The following IARS2 variants were observed in gnomAD, a reference collection of about 807,000 sequenced individuals.
IARS2 encodes isoleucine--tRNA ligase, mitochondrial.
Under a neutral mutation model 126.3 loss-of-function variants are expected in IARS2, and 56 were observed. The observed-to-expected ratio is 0.44, with a 90% CI of 0.36 to 0.55. The LOEUF (loss-of-function observed/expected upper bound fraction) is 0.55. Among genes scored for constraint, IARS2 ranks in the 20% least tolerant of loss-of-function variants. The pLI is 0.00. For synonymous variants in IARS2, 407 were observed against 441.1 expected, an observed-to-expected ratio of 0.92 and a Z score of 0.97; for missense variants, 1,127 against 1,245.9, an observed-to-expected ratio of 0.90 and a Z score of 1.44.
chr1:220,124,061 A>G (rs1038717394), intron 12 of IARS2, among the ~76,000 whole-genome samples: 1 of 152,214 alleles, frequency 6.6e-6, no homozygotes, highest in African/African-American at 2.4e-5. Flanking sequence ...GCCTGGGTTC[A>G]AGTGGTGGAG....
At chr1:220,120,980 A>G (rs978839997) in intron 12 of IARS2, among the ~76,000 whole-genome samples, 6 of 152,182 alleles carry the variant, frequency 3.9e-5, no homozygotes, top group Non-Finnish European at 7.3e-5. Flanking sequence ...CTCTCTAAAT[A>G]TTAGTGAGAC....
intron 12 of IARS2, among the ~76,000 whole-genome samples, chr1:220,120,332 T>G (rs1657013212): frequency 1.3e-5 from 2 of 150,784 alleles, no homozygotes; most frequent in African/African-American, 4.8e-5. Context: ...TCCGCCCGCC[T>G]CGGCCTCCCA....
intron 12 of IARS2, among the ~76,000 whole-genome samples, chr1:220,122,111 A>G (rs1440242091): frequency 1.3e-5 from 2 of 152,200 alleles, no homozygotes; most frequent in Non-Finnish European, 2.9e-5. Context: ...ATTAATTAAA[A>G]TAAAATAAAA....
At chr1:220,124,408 G>C (rs1657110267) in intron 12 of IARS2, among the ~76,000 whole-genome samples, 1 of 152,144 alleles carries the variant, frequency 6.6e-6, no homozygotes, top group Admixed American at 6.5e-5. Flanking sequence ...GTTTGTAGTT[G>C]TTCTGAGGGA....
chr1:220,141,690 A>G, intron 19 of IARS2, 113 bp from the exon 20 acceptor site: 2 of 1,023,766 alleles, frequency 2.0e-6, no homozygotes, highest in Non-Finnish European at 2.9e-6. Flanking sequence ...GTAGAAGATG[A>G]TTAGAGCCAT....
chr1:220,118,415 T>G (rs988860752), intron 12 of IARS2, among the ~76,000 whole-genome samples: 3 of 150,844 alleles, frequency 2.0e-5, no homozygotes, highest in African/African-American at 7.3e-5. Flanking sequence ...TCATTTGCAT[T>G]TTAGATCATA....
Position 220,138,089 on chromosome 1 carries a change from A to T in IARS2, c.2175+46A>T, listed in dbSNP as rs567274898. 8 of 1,586,430 alleles carry T rather than the reference A, an allele frequency of 5.0e-6. No individual in the cohort carries two copies. The African/African-American group carries it at 1.1e-4, about 21-fold the overall frequency. On this transcript the variant is annotated intron_variant, in intron 17 of 22. Coordinates refer to ENST00000366922, the MANE Select transcript of IARS2 (RefSeq NM_018060.4). ...TATTTCTAAAGGACAAGTTTGTCAA[A>T]TCATTGTTTTAAAAAATGAGACACA...
chr1:220,132,867 T>C (rs1490251133), intron 14 of IARS2, among the ~76,000 whole-genome samples: 1 of 152,162 alleles, frequency 6.6e-6, no homozygotes, highest in Non-Finnish European at 1.5e-5. Context: ...TATTTGGATC[T>C]TCTTTTCTAT....
intron 12 of IARS2, among the ~76,000 whole-genome samples, chr1:220,120,935 A>G (rs1276167653): frequency 1.3e-5 from 2 of 152,334 alleles, no homozygotes; most frequent in East Asian, 3.9e-4. Flanking sequence ...TGATGTTTTC[A>G]TAATTCACAA....
intron 2 of IARS2, among the ~76,000 whole-genome samples, chr1:220,099,742 T>C (rs2102817280): frequency 6.6e-6 from 1 of 152,250 alleles, no homozygotes; most frequent in East Asian, 1.9e-4. Context: ...TGATGATTGA[T>C]TTAAATAATA....
At chr1:220,112,046 C>T (rs866776793) in intron 11 of IARS2, among the ~76,000 whole-genome samples, 14 of 150,950 alleles carry the variant, frequency 9.3e-5, no homozygotes, top group African/African-American at 2.9e-4. Flanking sequence ...AATGTATTGT[C>T]GTATTCCCAT....
At chr1:220,111,045 A>G (rs1571849578) in intron 11 of IARS2, 108 bp downstream of exon 11, 3 of 997,346 alleles carry the variant, frequency 3.0e-6, no homozygotes, top group South Asian at 3.5e-5. Flanking sequence ...GATTGCTGCT[A>G]TTATGATTTA....
In IARS2 at chr1:220,146,517, CAAAAAAA is replaced by C. The variant is rs1186000971; in HGVS notation, c.2896+880_2896+886del. Among the ~76,000 whole-genome samples the C allele has an allele frequency of 1.3e-4, 8 of 62,056 alleles. No individual in the cohort carries two copies. The East Asian group carries it at 2.3e-3, about 18-fold the overall frequency. The allele number at this position is 62,056 out of a possible 152,430, so 40.7% of individuals were successfully genotyped here. On this transcript the variant is annotated intron_variant, in intron 22 of 22. Transcript: ENST00000366922. ...TGGGCGACAGAGCGAGACTCCGTCT[CAAAAAAA>C]AAAAAAAAAAAAAAAGCAGGTATCT...
intron 10 of IARS2, 94 bp from the exon 11 acceptor site, chr1:220,110,692 C>G: frequency 2.1e-6 from 2 of 957,748 alleles, no homozygotes; most frequent in Non-Finnish European, 3.2e-6. Flanking sequence ...CCACCTGTTG[C>G]TGCAGATTTA....
chr1:220,114,199 A>G, intron 11 of IARS2, 115 bp from the exon 12 acceptor site: 1 of 830,256 alleles, frequency 1.2e-6, no homozygotes, highest in Non-Finnish European at 2.0e-6. Flanking sequence ...AGGGTAAGGG[A>G]GGTATGTGAA....
chr1:220,094,570 C>G, intron 1 of IARS2, 87 bp downstream of exon 1: 1 of 1,157,684 alleles, frequency 8.6e-7, no homozygotes, highest in African/African-American at 1.6e-5. Flanking sequence ...CACCTCTAGG[C>G]TCCACGCCGG....
chr1:220,107,302 C>CTT, intron 10 of IARS2, 151 bp downstream of exon 10: 1 of 600,708 alleles, frequency 1.7e-6, no homozygotes, highest in Non-Finnish European at 2.9e-6. Flanking sequence ...GAGTTTGGGA[C>CTT]TTTTTCATCT....
At chr1:220,138,875 A>G in intron 17 of IARS2, 133 bp from the exon 18 acceptor site, 2 of 773,344 alleles carry the variant, frequency 2.6e-6, no homozygotes, top group Admixed American at 3.1e-5. Context: ...TTACATTTGT[A>G]GTCTTATTTG....
In IARS2 at chr1:220,138,092, A is replaced by G. The variant is rs752115949; in HGVS notation, c.2175+49A>G. On this transcript the variant is annotated intron_variant, in intron 17 of 22. Coordinates refer to ENST00000366922, the MANE Select transcript of IARS2 (RefSeq NM_018060.4). ...TTCTAAAGGACAAGTTTGTCAAATC[A>G]TTGTTTTAAAAAATGAGACACATTT... 9.5e-6 allele frequency: 15 copies of G among 1,582,384 alleles called. 1 individual carries two copies. In the Middle Eastern group the frequency reaches 1.6e-3, roughly 171 times the overall value.
Sources: allele counts gnomAD v4.1 joint callset (sites outside exome capture counted in the v4.1 genomes callset), GRCh38; gene constraint gnomAD v4.1.1; transcripts MANE v1.5; gene names NCBI Gene and HGNC (gene_info 2026-07-23, HGNC 2026-07-21).